Variants in LSAMP observed in about 807,000 individuals in gnomAD.
LSAMP encodes the protein limbic system-associated membrane protein.
Under a neutral mutation model 38.6 loss-of-function variants are expected in LSAMP, and 7 were observed. The ratio of observed to expected loss-of-function variants is 0.18; its 90% CI spans 0.10 to 0.34. The LOEUF is 0.34. LSAMP is among the 10% of genes least tolerant of loss of function. LSAMP has a pLI of 1.00. For synonymous variants in LSAMP, 154 were observed against 166.8 expected (o/e 0.92, Z 0.59); for missense variants, 313 against 420.0 (o/e 0.75, Z 2.23).
chr3:116,156,564 C>A (rs1709753945), intron 1 of LSAMP, among the ~76,000 whole-genome samples: 1 of 152,024 alleles, frequency 6.6e-6, no homozygotes, highest in South Asian at 2.1e-4. Flanking sequence ...TTAAGTCAGG[C>A]TTTATTGATA....
chr3:116,190,282 G>A lies in LSAMP; in HGVS notation c.156-103726C>T, dbSNP rs572147415. ...TTAAGCATCTATACTTGCAGTGAGTGATAGATTTACCTTCCTTTCCCCCCT... is the reference window on the plus strand; with the variant it reads ...TTAAGCATCTATACTTGCAGTGAGTAATAGATTTACCTTCCTTTCCCCCCT... On this transcript the variant is annotated intron_variant, in intron 1 of 6. Coordinates refer to ENST00000490035, the MANE Select transcript of LSAMP (RefSeq NM_002338.5). Among the ~76,000 whole-genome samples the A allele has an allele frequency of 6.7e-3, 1,027 of 152,206 alleles. 10 individuals are homozygous for A. Among genetic ancestry groups the A allele is most frequent in the African/African-American group, 0.024 (978 of 41,516 alleles).
chr3:116,305,534 C>T (rs948129714), intron 1 of LSAMP, among the ~76,000 whole-genome samples: 10 of 150,050 alleles, frequency 6.7e-5, no homozygotes, highest in Non-Finnish European at 1.0e-4. Flanking sequence ...ATAAAGTATG[C>T]GCCAGCTTGC....
intron 3 of LSAMP, among the ~76,000 whole-genome samples, chr3:115,997,003 T>C (rs1939833737): frequency 6.6e-6 from 1 of 152,104 alleles, no homozygotes; most frequent in Non-Finnish European, 1.5e-5. Context: ...AGAGTGACCA[T>C]GTGACTCACT....
intron 1 of LSAMP, among the ~76,000 whole-genome samples, chr3:116,150,184 C>T (rs777765095): frequency 7.9e-5 from 12 of 151,978 alleles, no homozygotes; most frequent in Non-Finnish European, 1.5e-4. Context: ...ACAGCAGGGG[C>T]CTGAGTTTAA....
At chr3:115,979,214 C>T (rs1251666188) in intron 3 of LSAMP, among the ~76,000 whole-genome samples, 1 of 151,532 alleles carries the variant, frequency 6.6e-6, no homozygotes, top group Non-Finnish European at 1.5e-5. Context: ...AGAAAAAAAA[C>T]AGAATAAGTT....
intron 3 of LSAMP, among the ~76,000 whole-genome samples, chr3:115,960,871 CA>C: frequency 6.6e-6 from 1 of 152,116 alleles, no homozygotes; most frequent in Admixed American, 6.5e-5. Context: ...AAATCCAGCA[CA>C]GTCAAAATGA....
At chr3:116,083,717 G>A (rs576875704) in intron 2 of LSAMP, among the ~76,000 whole-genome samples, 5 of 152,272 alleles carry the variant, frequency 3.3e-5, no homozygotes, top group South Asian at 2.1e-4. Context: ...GGTGCTGTGA[G>A]GTTAGGAAAA....
At position 116,314,688 on chromosome 3, in the gene LSAMP, C is replaced by T. The variant is rs559591976; in HGVS notation, c.155+130189G>A. Among the ~76,000 whole-genome samples, 11 of 152,262 alleles carry T rather than the reference C, an allele frequency of 7.2e-5. No individual in the cohort carries two copies. The South Asian group carries it at 8.3e-4, about 11-fold the overall frequency. ...GTTTTACTTAGAGCTCCCCTGCCTG[C>T]GTCTGGAAGCCCTTTGAGGTTGCTG... is the stretch of plus-strand genomic sequence containing the variant. On this transcript the variant is annotated intron_variant, in intron 1 of 6. Transcript: ENST00000490035.
At chr3:116,020,606 C>A (rs140485646) in intron 2 of LSAMP, among the ~76,000 whole-genome samples, 1 of 152,208 alleles carries the variant, frequency 6.6e-6, no homozygotes, top group Admixed American at 6.5e-5. Context: ...TTTTTGGTGA[C>A]GTGAGAAATG....
At position 115,989,254 on chromosome 3, in the gene LSAMP, A is replaced by G. The variant is rs75765294; in HGVS notation, c.514+30261T>C. Among the ~76,000 whole-genome samples, 1,121 of 152,274 alleles carry G rather than the reference A, an allele frequency of 7.4e-3. 10 individuals carry two copies. Among genetic ancestry groups the G allele is most frequent in the African/African-American group, 0.024 (989 of 41,582 alleles). The stretch of plus-strand genomic sequence containing the variant: ...CACATTCCTGGTGATTTTCTGTTCC[A>G]AGGAAATATCAACCACCACAACTAT... On this transcript the variant is annotated intron_variant, in intron 3 of 6. Transcript: ENST00000490035.
At chr3:116,102,520 T>C (rs1323911163) in intron 1 of LSAMP, among the ~76,000 whole-genome samples, 1 of 152,184 alleles carries the variant, frequency 6.6e-6, no homozygotes, top group Non-Finnish European at 1.5e-5. Flanking sequence ...GAAAGCAGAT[T>C]GATCTTCCCA....
At chr3:116,091,816 G>T (rs1303786976) in intron 1 of LSAMP, among the ~76,000 whole-genome samples, 2 of 152,238 alleles carry the variant, frequency 1.3e-5, no homozygotes, top group Non-Finnish European at 2.9e-5. Flanking sequence ...GACAATGGGT[G>T]TTAGTGCCAC....
chr3:115,835,036 G>A (rs540220298), intron 6 of LSAMP, among the ~76,000 whole-genome samples: 43 of 152,194 alleles, frequency 2.8e-4, no homozygotes, highest in African/African-American at 4.3e-4. Context: ...TCTCTAAGCC[G>A]TATAGTTCAC....
intron 1 of LSAMP, among the ~76,000 whole-genome samples, chr3:116,266,260 G>A (rs1012555315): frequency 6.6e-6 from 1 of 152,120 alleles, no homozygotes; most frequent in Non-Finnish European, 1.5e-5. Flanking sequence ...ATGCTAATGA[G>A]CTATTAGAGA....
At chr3:116,211,417 T>G (rs1055648034) in intron 1 of LSAMP, among the ~76,000 whole-genome samples, 4 of 152,186 alleles carry the variant, frequency 2.6e-5, no homozygotes, top group Non-Finnish European at 5.9e-5. Flanking sequence ...CATTCAAAAA[T>G]GTATACATGT....
At chr3:115,855,148 G>A (rs1040051443) in intron 3 of LSAMP, among the ~76,000 whole-genome samples, 7 of 152,094 alleles carry the variant, frequency 4.6e-5, no homozygotes, top group African/African-American at 9.6e-5. Context: ...TCCCTACTTC[G>A]CTTTTTGAAT....
rs568052201 is a variant in LSAMP at position 116,076,227 on chromosome 3, G to C, written c.388+10097C>G. 5.9e-5 allele frequency among the ~76,000 whole-genome samples: 9 copies of C among 151,870 alleles called. No individual in the cohort carries two copies. In the South Asian group the frequency reaches 1.9e-3, roughly 32 times the overall value. On this transcript the variant is annotated intron_variant, in intron 2 of 6. Coordinates refer to ENST00000490035, the MANE Select transcript of LSAMP (RefSeq NM_002338.5). ...GTTTTGCAGATGTAGTTTTCTAGCT[G>C]TAGAAGTCTTTCTTCCCAATAAAAT... is the stretch of plus-strand genomic sequence containing the variant.
intron 3 of LSAMP, among the ~76,000 whole-genome samples, chr3:115,980,606 A>T (rs1194222120): frequency 6.6e-6 from 1 of 152,194 alleles, no homozygotes; most frequent in Non-Finnish European, 1.5e-5. Flanking sequence ...CAGCAAGTTG[A>T]CAATCCATTT....
rs554987836 is a variant in LSAMP, at chr3:116,407,324, T to C, written c.155+37553A>G. On this transcript the variant is annotated intron_variant, in intron 1 of 6. Coordinates refer to ENST00000490035, the MANE Select transcript of LSAMP (RefSeq NM_002338.5). ...ATTTTGAATAAAGCAGAAACAGTTATGTTATTAGAGGCAAAATGTGAAGGT... is the reference window on the plus strand; with the variant it reads ...ATTTTGAATAAAGCAGAAACAGTTACGTTATTAGAGGCAAAATGTGAAGGT... Among the ~76,000 whole-genome samples, 4 of 152,228 alleles carry C rather than the reference T, an allele frequency of 2.6e-5. No homozygotes were observed. In the East Asian group the frequency reaches 5.8e-4, roughly 22 times the overall value.
Sources: allele counts gnomAD v4.1 joint callset (sites outside exome capture counted in the v4.1 genomes callset), GRCh38; gene constraint gnomAD v4.1.1; transcripts MANE v1.5; gene names NCBI Gene and HGNC (gene_info 2026-07-23, HGNC 2026-07-21).